The following PELP1 variants were observed in gnomAD, a reference collection of about 807,000 sequenced individuals.
The protein encoded by PELP1 is proline-, glutamic acid- and leucine-rich protein 1.
In PELP1, 32 loss-of-function variants were observed where a neutral mutation model predicts 95.5. That is an observed-to-expected ratio of 0.34 (90% CI 0.25 to 0.45). The LOEUF is 0.45. Among genes scored for constraint, PELP1 ranks in the 20% least tolerant of loss-of-function variants. The pLI is 1.00. For missense variants in PELP1, 1,358 were observed against 1,444.8 expected (o/e 0.94, Z 0.97); for synonymous variants, 668 against 600.1 (o/e 1.11, Z -1.65).
At position 4,672,519 on chromosome 17, in the gene PELP1, T is replaced by C. The variant is rs1912261218; in HGVS notation, c.2472A>G (p.Pro824=). Reference sequence around the variant, plus strand: ...GAAGTTCTTCAGGCTCCTCCTTCGCTGGCACAGGAGGGGAGGCTGTTGGTG... The same window carrying C: ...GAAGTTCTTCAGGCTCCTCCTTCGCCGGCACAGGAGGGGAGGCTGTTGGTG... ...TGPPTASPPV[P]AKEEPEELPA... is the part of the protein sequence containing the mutation. Residue 824 remains proline, a synonymous_variant, in exon 16 of 17, where the codon CCA becomes CCG. Transcript: ENST00000572293. The C allele has an allele frequency of 1.5e-6, 2 of 1,366,560 alleles. No homozygotes were observed. Among genetic ancestry groups the C allele is most frequent in the African/African-American group, 1.7e-5 (1 of 58,544 alleles). The allele number at this position is 1,366,560 out of a possible 1,614,324, so 84.7% of individuals were successfully genotyped here. A position where few individuals can be genotyped will look rare whatever the true frequency, so the allele number is the denominator to read the frequency against.
intron 5 of PELP1, among the ~76,000 whole-genome samples, chr17:4,681,920 T>C (rs1195685966): frequency 1.3e-5 from 2 of 151,996 alleles, no homozygotes; most frequent in Non-Finnish European, 2.9e-5. Flanking sequence ...TCCCAGCACT[T>C]TGAGAAGCTG....
rs772514124 is a variant in PELP1, at chr17:4,674,502, T to G, written c.1582+8A>C. Reference sequence around the variant, plus strand: ...GCCCCAGTGGTCCAGGGCACAGGCCTCACCCACCTCTGAGTGCAGCCGCAC... The same window carrying G: ...GCCCCAGTGGTCCAGGGCACAGGCCGCACCCACCTCTGAGTGCAGCCGCAC... On this transcript the variant is annotated splice_region_variant and intron_variant, in intron 13 of 16. Coordinates refer to ENST00000572293, the MANE Select transcript of PELP1 (RefSeq NM_014389.3). The G allele has an allele frequency of 6.2e-7, 1 of 1,611,102 alleles. No individual in the cohort carries two copies. The highest frequency in any genetic ancestry group is 1.7e-5 in the Admixed American group (1 of 59,114).
intron 1 of PELP1, among the ~76,000 whole-genome samples, chr17:4,692,002 C>A (rs1238134673): frequency 6.6e-6 from 1 of 152,120 alleles, no homozygotes; most frequent in African/African-American, 2.4e-5. Context: ...CCTCTCCATG[C>A]CCCAAATGGC....
chr17:4,691,637 T>A, intron 1 of PELP1, 195 bp from the exon 2 acceptor site: 1 of 595,544 alleles, frequency 1.7e-6, no homozygotes. Context: ...TCTCGGCCTT[T>A]CCTCAAGTTA....
intron 5 of PELP1, 69 bp from the exon 6 acceptor site, chr17:4,676,881 C>T (rs900658051): frequency 1.6e-5 from 19 of 1,200,080 alleles, no homozygotes; most frequent in Middle Eastern, 1.9e-4. Context: ...ACATCCCATC[C>T]GTTCCCAGCA....
intron 1 of PELP1, among the ~76,000 whole-genome samples, chr17:4,698,467 T>C (rs1441527847): frequency 9.8e-6 from 1 of 101,598 alleles, no homozygotes; most frequent in Non-Finnish European, 2.1e-5. Flanking sequence ...ACCCCATCGC[T>C]ACTAAAAAAA....
At chr17:4,687,294 G>A (rs569454691) in intron 3 of PELP1, among the ~76,000 whole-genome samples, 3 of 151,928 alleles carry the variant, frequency 2.0e-5, no homozygotes, top group Non-Finnish European at 2.9e-5. Flanking sequence ...CCTGTAATCC[G>A]AGCACTCTGG....
chr17:4,690,151 A>T (rs1192519016), intron 3 of PELP1, among the ~76,000 whole-genome samples: 1 of 152,194 alleles, frequency 6.6e-6, no homozygotes, highest in Non-Finnish European at 1.5e-5. Context: ...GGTGACCATT[A>T]ATCTAAGTGA....
At chr17:4,679,290 T>TAAGAC (rs1426955390) in intron 5 of PELP1, among the ~76,000 whole-genome samples, 1 of 152,100 alleles carries the variant, frequency 6.6e-6, no homozygotes, top group Non-Finnish European at 1.5e-5. Context: ...GAAATAAAGG[T>TAAGAC]AAGACACTCC....
intron 1 of PELP1, among the ~76,000 whole-genome samples, chr17:4,700,483 A>G (rs1207370856): frequency 6.6e-6 from 1 of 152,102 alleles, no homozygotes; most frequent in Non-Finnish European, 1.5e-5. Flanking sequence ...CGTCTCTACT[A>G]AAAATACAAA....
chr17:4,691,051 G>A lies in PELP1; in HGVS notation c.315-58C>T. 2 of 1,233,276 alleles carry A rather than the reference G, an allele frequency of 1.6e-6. 1 individual carries two copies. Among genetic ancestry groups the A allele is most frequent in the South Asian group, 2.4e-5 (2 of 82,632 alleles). 76.4% of individuals were successfully genotyped at this position (1,233,276 alleles called of 1,614,324 possible). ...GCGGAGGCTAGACTTCAGAGAAAGT[G>A]ACTGCTCTTTTATTCTCACTAGGCT... On this transcript the variant is annotated intron_variant, in intron 2 of 16. Coordinates refer to ENST00000572293, the MANE Select transcript of PELP1 (RefSeq NM_014389.3).
chr17:4,695,275 T>A (rs1309813090), intron 1 of PELP1, among the ~76,000 whole-genome samples: 1 of 150,370 alleles, frequency 6.7e-6, no homozygotes, highest in Non-Finnish European at 1.5e-5. Context: ...TGAGCCGAGA[T>A]CACGCCACTG....
At chr17:4,682,623 C>T (rs998822371) in intron 4 of PELP1, 50 bp from the exon 5 acceptor site, 47 of 1,505,826 alleles carry the variant, frequency 3.1e-5, no homozygotes, top group Non-Finnish European at 4.3e-5. Flanking sequence ...ACCATGTCAC[C>T]ATATTCCATC....
At chr17:4,680,309 ACT>A (rs1289224717) in intron 5 of PELP1, among the ~76,000 whole-genome samples, 2 of 151,978 alleles carry the variant, frequency 1.3e-5, no homozygotes. Flanking sequence ...ACAGAGTCTC[ACT>A]CTGTCACCCA....
chr17:4,679,105 C>T (rs1597449193), intron 5 of PELP1, among the ~76,000 whole-genome samples: 1 of 151,934 alleles, frequency 6.6e-6, no homozygotes, highest in Non-Finnish European at 1.5e-5. Flanking sequence ...CAGCTCACTG[C>T]ACCCTCTGCC....
chr17:4,691,348 C>G (rs1360140531), intron 2 of PELP1, 30 bp downstream of exon 2: 2 of 1,552,432 alleles, frequency 1.3e-6, no homozygotes, highest in Non-Finnish European at 1.8e-6. Context: ...GGAACACGCC[C>G]CTGGAGAAAA....
intron 1 of PELP1, among the ~76,000 whole-genome samples, chr17:4,700,426 C>A (rs1297884867): frequency 1.3e-5 from 2 of 152,080 alleles, no homozygotes; most frequent in Admixed American, 1.3e-4. Flanking sequence ...GGGAGGATAA[C>A]TTGAGGTCAG....
intron 1 of PELP1, among the ~76,000 whole-genome samples, chr17:4,694,585 G>A (rs1020055973): frequency 2.0e-5 from 3 of 150,976 alleles, no homozygotes; most frequent in Non-Finnish European, 4.4e-5. Context: ...GCTTGAGAAC[G>A]GGAGGCGGAG....
intron 7 of PELP1, 50 bp downstream of exon 7, chr17:4,676,307 T>C (rs368446168): frequency 5.0e-6 from 8 of 1,595,112 alleles, no homozygotes; most frequent in East Asian, 2.2e-5. Context: ...TGTTCCTTCC[T>C]GCCACGCTTC....
Sources: allele counts gnomAD v4.1 joint callset (sites outside exome capture counted in the v4.1 genomes callset), GRCh38; gene constraint gnomAD v4.1.1; transcripts MANE v1.5; gene names NCBI Gene and HGNC (gene_info 2026-07-23, HGNC 2026-07-21).